Variants in CNOT4 observed in about 807,000 individuals in gnomAD.
The protein encoded by CNOT4 is CCR4-NOT transcription complex subunit 4.
CNOT4 carries 8 observed loss-of-function variants against 73.8 expected under a neutral mutation model. The ratio of observed to expected loss-of-function variants is 0.11; its 90% confidence interval spans 0.06 to 0.20. The LOEUF is 0.20. Ranked by LOEUF, CNOT4 falls within the 10% of genes least tolerant of loss-of-function variation. The probability of loss-of-function intolerance (pLI) is 1.00; values close to 1 mark genes in which losing one functional copy is unlikely to be tolerated. For missense variants in CNOT4, 564 were observed against 883.4 expected, an observed-to-expected ratio of 0.64 and a Z score of 4.58; for synonymous variants, 293 against 321.1, an observed-to-expected ratio of 0.91 and a Z score of 0.94.
rs199575610 is a variant in CNOT4 at position 135,470,136 on chromosome 7, T to TG, written c.-92-31714dup. On this transcript the variant is annotated intron_variant, in intron 1 of 11. Coordinates refer to ENST00000541284, the MANE Select transcript of CNOT4 (RefSeq NM_001190850.2). ...CCGTGCCGAGCCTGGTGTGTTTTTT[T>TG]GGGGGGGGAGGCCAGGGTCTCACTT... 8.4e-3 allele frequency among the ~76,000 whole-genome samples: 1,266 copies of TG among 150,540 alleles called. 8 individuals are homozygous for TG. Among genetic ancestry groups the TG allele is most frequent in the Middle Eastern group, 0.031 (9 of 294 alleles).
intron 1 of CNOT4, among the ~76,000 whole-genome samples, chr7:135,505,281 A>G (rs908382329): frequency 6.6e-6 from 1 of 152,168 alleles, no homozygotes; most frequent in Non-Finnish European, 1.5e-5. Flanking sequence ...GAGGCCGGGC[A>G]CAGTGGCTCA....
At chr7:135,439,963 A>G (rs375163207) in intron 1 of CNOT4, among the ~76,000 whole-genome samples, 28 of 152,180 alleles carry the variant, frequency 1.8e-4, no homozygotes, top group African/African-American at 6.3e-4. Context: ...TGATCTAGTG[A>G]TCAATAAATT....
chr7:135,475,097 G>A (rs78065333), intron 1 of CNOT4, among the ~76,000 whole-genome samples: 1 of 152,108 alleles, frequency 6.6e-6, no homozygotes, highest in Non-Finnish European at 1.5e-5. Flanking sequence ...TACTCCAAAG[G>A]TGTTATCTGT....
In CNOT4 at chr7:135,363,181, G is replaced by A; in HGVS notation, c.1846C>T (p.Pro616Ser). 1 of 1,613,266 alleles carries A rather than the reference G, an allele frequency of 6.2e-7. No individual in the cohort carries two copies. Among genetic ancestry groups the A allele is most frequent in the Non-Finnish European group, 8.5e-7 (1 of 1,179,880 alleles). ...WTDPAIITGIPASSGNSLDSL... is the reference protein window; with the variant it reads ...WTDPAIITGISASSGNSLDSL... Reference sequence around the variant, plus strand: ...TCTAAACTGTTTCCTGAAGACGCTGGAATACCTAAGGAGAGAAAAGAAAAA... The same window carrying A: ...TCTAAACTGTTTCCTGAAGACGCTGAAATACCTAAGGAGAGAAAAGAAAAA... Residue 616 changes from proline to serine, a missense_variant, in exon 12 of 12, where the codon CCA becomes TCA. Pro to Ser is a moderately conservative substitution (Grantham distance 74, BLOSUM62 -1). Coordinates refer to ENST00000541284, the MANE Select transcript of CNOT4 (RefSeq NM_001190850.2). This position sits in a 1 kb window ranked among gnomAD's most constrained non-coding sequence, Gnocchi z 4.3.
At chr7:135,441,892 G>A (rs1799499492) in intron 1 of CNOT4, among the ~76,000 whole-genome samples, 1 of 152,172 alleles carries the variant, frequency 6.6e-6, no homozygotes, top group African/African-American at 2.4e-5. Context: ...CCTTTAGATA[G>A]TTAATACAAA....
intron 1 of CNOT4, among the ~76,000 whole-genome samples, chr7:135,467,957 T>C (rs915324168): frequency 3.3e-5 from 5 of 152,182 alleles, no homozygotes; most frequent in African/African-American, 1.2e-4. Flanking sequence ...GGCTCACGCC[T>C]GTAATCCCAG....
In CNOT4 at chr7:135,413,433, A is replaced by T. The variant is rs978599060; in HGVS notation, c.687+55T>A. The T allele has an allele frequency of 2.9e-5, 35 of 1,204,402 alleles. No individual in the cohort carries two copies. In the Admixed American group the frequency reaches 3.2e-4, roughly 11 times the overall value. The allele number at this position is 1,204,402 out of a possible 1,614,324, so 74.6% of individuals were successfully genotyped here. A position where few individuals can be genotyped will look rare whatever the true frequency, so the allele number is the denominator to read the frequency against. ...TTTTGCTTTTGCAATGTTAACTAAT[A>T]AAAAAAAAAGTACTCCCTTTTCTGC... On this transcript the variant is annotated intron_variant, in intron 6 of 11. Transcript: ENST00000541284.
intron 10 of CNOT4, among the ~76,000 whole-genome samples, chr7:135,367,896 A>G (rs1029479881): frequency 2.6e-5 from 4 of 152,218 alleles, no homozygotes; most frequent in African/African-American, 7.2e-5. Flanking sequence ...GTAATTAGTA[A>G]TAGTATAATA....
Position 135,395,706 on chromosome 7 carries a change from G to A in CNOT4, c.1057C>T (p.Pro353Ser). 6.2e-7 allele frequency: 1 copy of A among 1,614,098 alleles called. No homozygotes were observed. Among genetic ancestry groups the A allele is most frequent in the Non-Finnish European group, 8.5e-7 (1 of 1,179,972 alleles). The change falls in exon 9 of 12, where the codon CCT becomes TCT. Residue 353 changes from proline (P) to serine (S), a missense_variant. This residue lies in a region of CNOT4 where 135 missense variants were observed against 154.0 expected (regional missense o/e 0.88). Coordinates refer to ENST00000541284, the MANE Select transcript of CNOT4 (RefSeq NM_001190850.2). ...HPNPIPSGLP[P>S]FPSSPQTSSD... ...GATGTCTGTGGGGAGCTGGGGAAAG[G>A]AGGAAGCCCACTTGGGATAGGGTTG...
intron 1 of CNOT4, among the ~76,000 whole-genome samples, chr7:135,443,520 A>T (rs1227923280): frequency 6.6e-6 from 1 of 152,248 alleles, no homozygotes; most frequent in Non-Finnish European, 1.5e-5. Context: ...ACATGGTAAG[A>T]CAGAAGTCAC....
intron 1 of CNOT4, among the ~76,000 whole-genome samples, chr7:135,505,089 A>G (rs1585748559): frequency 6.6e-6 from 1 of 152,140 alleles, no homozygotes; most frequent in African/African-American, 2.4e-5. Flanking sequence ...AAGAGGTGAG[A>G]TTTTAGTAGC....
At chr7:135,432,732 G>C (rs114656080) in intron 2 of CNOT4, among the ~76,000 whole-genome samples, 3,040 of 152,202 alleles carry the variant, frequency 0.02, 108 homozygotes, top group African/African-American at 0.069. Context: ...GAGAATGCAT[G>C]GAAGGTAAAA....
chr7:135,421,532 A>T (rs1157038067), intron 3 of CNOT4, among the ~76,000 whole-genome samples: 1 of 152,202 alleles, frequency 6.6e-6, no homozygotes, highest in Non-Finnish European at 1.5e-5. Flanking sequence ...TACTCTAACA[A>T]GGCTTTTGGT....
chr7:135,444,784 T>C, intron 1 of CNOT4: 1 of 1,589,784 alleles, frequency 6.3e-7, no homozygotes. Flanking sequence ...GGACAAGTTG[T>C]TACTGACTAT....
intron 10 of CNOT4, chr7:135,387,609 G>C (rs1796187813): frequency 1.0e-6 from 1 of 979,020 alleles, no homozygotes; most frequent in Non-Finnish European, 1.2e-6. Flanking sequence ...AAAATCTCAA[G>C]AGGAGGTGTG....
chr7:135,490,397 G>A (rs1026848049), intron 1 of CNOT4, among the ~76,000 whole-genome samples: 1 of 152,178 alleles, frequency 6.6e-6, no homozygotes, highest in Non-Finnish European at 1.5e-5. Flanking sequence ...ACTAATCTTG[G>A]CAGAGGTTGG....
intron 5 of CNOT4, 31 bp from the exon 6 acceptor site, chr7:135,413,644 A>C (rs1369621827): frequency 6.3e-7 from 1 of 1,599,326 alleles, no homozygotes; most frequent in Non-Finnish European, 8.5e-7. Context: ...AAGGAAAAGA[A>C]GACTCAATGT....
chr7:135,386,983 A>T, intron 10 of CNOT4: 1 of 609,414 alleles, frequency 1.6e-6, no homozygotes, highest in Non-Finnish European at 2.1e-6. Context: ...TGAATGCTGG[A>T]GAAGGCTTTG....
chr7:135,393,321 G>A (rs1207407954), intron 10 of CNOT4, among the ~76,000 whole-genome samples: 1 of 152,046 alleles, frequency 6.6e-6, no homozygotes, highest in Non-Finnish European at 1.5e-5. Context: ...AGATCAAATG[G>A]GAAAGTATCT....
Sources: gnomAD v4.1 joint callset for allele counts (sites outside exome capture counted in the v4.1 genomes callset) on GRCh38, gnomAD v4.1.1 for gene constraint, gnomAD v4.1.1 regional missense constraint, Gnocchi (gnomAD v3.1) non-coding constraint, MANE v1.5 for transcripts, NCBI Gene and HGNC (gene_info 2026-07-23, HGNC 2026-07-21) for gene names.